PFKL: variants seen among roughly 807,000 people sequenced by gnomAD.
PFKL encodes the protein ATP-dependent 6-phosphofructokinase, liver type.
PFKL carries 74 observed loss-of-function variants against 92.1 expected under a neutral mutation model. That is an observed-to-expected ratio of 0.80 (90% CI 0.67 to 0.97). The LOEUF (loss-of-function observed/expected upper bound fraction) is 0.97, where lower values mean the gene tolerates loss of function less well. Ranked by LOEUF, PFKL falls within the 50% of genes least tolerant of loss-of-function variation. The probability of loss-of-function intolerance (pLI) is 0.00; values close to 1 mark genes in which losing one functional copy is unlikely to be tolerated. For missense variants in PFKL, 1,028 were observed against 1,116.6 expected (o/e 0.92, Z 1.13); for synonymous variants, 494 against 456.4 (o/e 1.08, Z -1.05).
In PFKL at chr21:44,312,047, C is replaced by G. The variant is rs2047060655; in HGVS notation, c.238-58C>G. The stretch of plus-strand genomic sequence containing the variant: ...CAGTCCTGGGGTCCCTCTGGTGATC[C>G]CCAGGGGCTGTCTGCCGCCTGCCAT... On this transcript the variant is annotated intron_variant, in intron 3 of 21. Transcript: ENST00000349048. The G allele has an allele frequency of 4.5e-6, 6 of 1,332,750 alleles. No homozygotes were observed. In the East Asian group the frequency reaches 1.2e-4, roughly 27 times the overall value. 82.6% of individuals were successfully genotyped at this position (1,332,750 alleles called of 1,614,324 possible).
At chr21:44,325,702 C>T in intron 19 of PFKL, 1 of 534,396 alleles carries the variant, frequency 1.9e-6, no homozygotes, top group Non-Finnish European at 3.4e-6. Context: ...GCTGCCGATG[C>T]AGGGCCCAGG....
At chr21:44,312,032 G>C in intron 3 of PFKL, 73 bp from the exon 4 acceptor site, 2 of 1,238,128 alleles carry the variant, frequency 1.6e-6, no homozygotes, top group Non-Finnish European at 2.1e-6. Flanking sequence ...CAGTCCTGGG[G>C]TCCCTCTGGT....
chr21:44,315,562 T>C (rs1003761685), intron 7 of PFKL: 2 of 153,110 alleles, frequency 1.3e-5, no homozygotes, highest in African/African-American at 4.8e-5. Context: ...ACATGGGGCT[T>C]GTGGCTCAGA....
chr21:44,313,503 C>G, intron 5 of PFKL, 135 bp from the exon 6 acceptor site: 1 of 825,630 alleles, frequency 1.2e-6, no homozygotes, highest in Non-Finnish European at 2.0e-6. Flanking sequence ...TCTTTTAGCT[C>G]AGAGCCTGGG....
chr21:44,326,169 C>G lies in PFKL; in HGVS notation c.2100C>G (p.Phe700Leu). The G allele has an allele frequency of 6.2e-7, 1 of 1,612,388 alleles. No individual in the cohort carries two copies. Among genetic ancestry groups the G allele is most frequent in the Non-Finnish European group, 8.5e-7 (1 of 1,179,422 alleles). The change falls in exon 21 of 22, where the codon TTC (phenylalanine) becomes TTG (leucine). Residue 700 changes from phenylalanine to leucine, a missense_variant. Transcript: ENST00000349048. ...TGCCTCTGTTTGCAGGACGGGTGTT[C>G]GCCAATGCCCCAGACTCGGCCTGCG... ...LREVYRKGRV[F>L]ANAPDSACVI...
At chr21:44,325,481 C>A (rs971892064) in intron 19 of PFKL, 6 of 582,302 alleles carry the variant, frequency 1.0e-5, no homozygotes, top group Non-Finnish European at 1.8e-5. Flanking sequence ...GGGGCCCGAG[C>A]CAGGGCATTC....
intron 1 of PFKL, 89 bp from the exon 2 acceptor site, chr21:44,306,592 T>G: frequency 9.2e-7 from 1 of 1,090,724 alleles, no homozygotes; most frequent in Non-Finnish European, 1.3e-6. Context: ...TGTCCAGGCC[T>G]CCCCTACCCC....
At chr21:44,322,310 GCCCCTC>G in intron 14 of PFKL, 107 bp downstream of exon 14, 1 of 1,050,460 alleles carries the variant, frequency 9.5e-7, no homozygotes, top group Non-Finnish European at 1.4e-6. Flanking sequence ...CCTGGGCTCG[GCCCCTC>G]TTCCTGCTGG....
intron 1 of PFKL, chr21:44,305,974 T>C (rs9977591): frequency 0.33 from 438,822 of 1,328,390 alleles, 74,045 homozygotes; most frequent in East Asian, 0.61. Flanking sequence ...GCAGTGCTGT[T>C]CCCTGGGTGG....
At position 44,321,934 on chromosome 21, in the gene PFKL, C is replaced by CA. The variant is rs1350984651; in HGVS notation, c.1338+60dup. On this transcript the variant is annotated intron_variant, in intron 13 of 21. Transcript: ENST00000349048. Reference sequence around the variant, plus strand: ...GGGCCTTCTGTGTGCACACTTGGGGCATTTCCTGTGGAAGGCCGGCTGCTG... The same window carrying CA: ...GGGCCTTCTGTGTGCACACTTGGGGCAATTTCCTGTGGAAGGCCGGCTGCTG... The CA allele has an allele frequency of 2.7e-6, 4 of 1,509,224 alleles. No individual in the cohort carries two copies. In the African/African-American group the frequency reaches 5.6e-5, roughly 21 times the overall value. 93.5% of individuals were successfully genotyped at this position (1,509,224 alleles called of 1,614,324 possible).
chr21:44,312,668 C>T (rs547324922), intron 4 of PFKL, among the ~76,000 whole-genome samples: 3 of 152,340 alleles, frequency 2.0e-5, no homozygotes, highest in East Asian at 1.9e-4. Context: ...CACAGAGTCC[C>T]GAGATTGCTG....
Position 44,317,463 on chromosome 21 carries a change from C to T in PFKL, c.936+939C>T, listed in dbSNP as rs893615191. Among the ~76,000 whole-genome samples, 8 of 152,282 alleles carry T rather than the reference C, an allele frequency of 5.3e-5. 1 individual carries two copies. The South Asian group carries it at 8.3e-4, about 16-fold the overall frequency. ...CACTCTGAAGAGCCTCTTGAGGGGC[C>T]GGGGACATCAGGGCAAGCCAGCCGC... On this transcript the variant is annotated intron_variant, in intron 9 of 21. Coordinates refer to ENST00000349048, the MANE Select transcript of PFKL (RefSeq NM_002626.6).
chr21:44,322,332 T>G, intron 14 of PFKL, 129 bp downstream of exon 14: 2 of 837,580 alleles, frequency 2.4e-6, no homozygotes, highest in Non-Finnish European at 3.6e-6. Context: ...GCTGGTGGTC[T>G]GCCCAGAGCA....
chr21:44,324,466 C>A (rs145841915), intron 16 of PFKL, 25 bp from the exon 17 acceptor site: 3 of 1,610,700 alleles, frequency 1.9e-6, no homozygotes, highest in Admixed American at 1.7e-5. Context: ...ACGTGGAGGA[C>A]CCCCGACCCC....
chr21:44,313,511 G>A, intron 5 of PFKL, 127 bp from the exon 6 acceptor site: 1 of 866,844 alleles, frequency 1.2e-6, no homozygotes, highest in Non-Finnish European at 1.8e-6. Flanking sequence ...CTCAGAGCCT[G>A]GGCATGAGAA....
At chr21:44,325,302 T>C (rs781240667) in intron 19 of PFKL, 38 bp downstream of exon 19, 2 of 1,348,362 alleles carry the variant, frequency 1.5e-6, no homozygotes, top group Non-Finnish European at 2.1e-6. Flanking sequence ...GGCCTGCCCC[T>C]CTTTCCTGCC....
At chr21:44,324,963 C>T (rs376895989) in intron 18 of PFKL, 46 bp downstream of exon 18, 137 of 1,540,368 alleles carry the variant, frequency 8.9e-5, no homozygotes, top group Middle Eastern at 1.7e-4. Context: ...GTCCAACTCT[C>T]GGGGCTGGGG....
intron 19 of PFKL, 183 bp downstream of exon 19, chr21:44,325,447 A>AGGGGGG (rs2047479420): frequency 1.7e-6 from 1 of 588,058 alleles, no homozygotes. Context: ...CATTTCAAGA[A>AGGGGGG]GGGGTGGGGC....
At chr21:44,324,991 G>A (rs887703038) in intron 18 of PFKL, 74 bp downstream of exon 18, 110 of 1,429,394 alleles carry the variant, frequency 7.7e-5, no homozygotes, top group Middle Eastern at 1.7e-4. Flanking sequence ...GCTGAGGAGC[G>A]GCTGGGCAGG....
Sources: gnomAD v4.1 joint callset for allele counts (sites outside exome capture counted in the v4.1 genomes callset) on GRCh38, gnomAD v4.1.1 for gene constraint, MANE v1.5 for transcripts, NCBI Gene and HGNC (gene_info 2026-07-23, HGNC 2026-07-21) for gene names.